PARD3: variants seen among roughly 807,000 people sequenced by gnomAD.
PARD3 encodes partitioning defective 3 homolog.
In PARD3, 75 loss-of-function variants were observed where a neutral mutation model predicts 155.4. The ratio of observed to expected loss-of-function variants is 0.48; its 90% CI spans 0.40 to 0.58. PARD3 has a LOEUF of 0.58. PARD3 is among the 20% of genes least tolerant of loss of function. The probability of loss-of-function intolerance (pLI) is 0.00; values close to 1 mark genes in which losing one functional copy is unlikely to be tolerated. For missense variants in PARD3, 1,642 were observed against 1,721.7 expected (o/e 0.95, Z 0.82); for synonymous variants, 576 against 610.5 (o/e 0.94, Z 0.83).
intron 22 of PARD3, among the ~76,000 whole-genome samples, chr10:34,208,842 G>A (rs954480244): frequency 5.9e-5 from 9 of 152,076 alleles, no homozygotes; most frequent in Non-Finnish European, 1.2e-4. Context: ...GGGTTTTGAT[G>A]TCATTGAAAA....
intron 2 of PARD3, among the ~76,000 whole-genome samples, chr10:34,565,820 A>C (rs2085896236): frequency 6.6e-6 from 1 of 152,210 alleles, no homozygotes; most frequent in African/African-American, 2.4e-5. Flanking sequence ...AAAGCTTCAA[A>C]AAATGTGGAA....
rs1313819376 is a variant in PARD3, at chr10:34,230,977, A to G, written c.3419+38680T>C. Among the ~76,000 whole-genome samples, 4 of 152,086 alleles carry G rather than the reference A, an allele frequency of 2.6e-5. No individual in the cohort carries two copies. The East Asian group carries it at 7.7e-4, about 29-fold the overall frequency. On this transcript the variant is annotated intron_variant, in intron 22 of 24. Coordinates refer to ENST00000374788, the MANE Select transcript of PARD3 (RefSeq NM_001184785.2). ...GGAGTTCAAGGCTGCAGTGAGCTAT[A>G]ATCGCACCACTAGCATTCCAGCCTG...
chr10:34,456,893 T>G (rs946242670), intron 4 of PARD3, among the ~76,000 whole-genome samples: 1 of 152,212 alleles, frequency 6.6e-6, no homozygotes, highest in South Asian at 2.1e-4. Context: ...AAAATTCATT[T>G]AATTTGGTGA....
chr10:34,322,265 T>C (rs1958427420), intron 19 of PARD3, among the ~76,000 whole-genome samples: 1 of 152,160 alleles, frequency 6.6e-6, no homozygotes, highest in African/African-American at 2.4e-5. Flanking sequence ...AGCCCTAAAA[T>C]TACCCTATGG....
intron 4 of PARD3, among the ~76,000 whole-genome samples, chr10:34,452,067 G>T (rs56206712): frequency 0.076 from 11,571 of 151,994 alleles, 1,326 homozygotes; most frequent in African/African-American, 0.25. Flanking sequence ...CTTATGTGTC[G>T]ACAAAGAGAA....
At chr10:34,755,134 G>A (rs1836543884) in intron 1 of PARD3, among the ~76,000 whole-genome samples, 1 of 151,432 alleles carries the variant, frequency 6.6e-6, no homozygotes, top group Non-Finnish European at 1.5e-5. Context: ...GGGCGCGGTG[G>A]CTCATGCCTG....
chr10:34,814,789 T>C, intron 1 of PARD3, 87 bp downstream of exon 1: 3 of 1,177,304 alleles, frequency 2.5e-6, no homozygotes, highest in Non-Finnish European at 3.5e-6. Flanking sequence ...TCCCTGCGCC[T>C]CTCCTCCCCC....
chr10:34,516,123 C>T (rs1167938659), intron 3 of PARD3, among the ~76,000 whole-genome samples: 2 of 152,088 alleles, frequency 1.3e-5, no homozygotes, highest in Non-Finnish European at 2.9e-5. Flanking sequence ...CGCCACCACG[C>T]CTGGCTAATT....
At chr10:34,206,854 A>T in intron 22 of PARD3, among the ~76,000 whole-genome samples, 1 of 152,140 alleles carries the variant, frequency 6.6e-6, no homozygotes, top group East Asian at 1.9e-4. Context: ...TGTTTCAACC[A>T]GTCTTCAGTC....
At chr10:34,797,514 G>A (rs1842404217) in intron 1 of PARD3, among the ~76,000 whole-genome samples, 1 of 152,200 alleles carries the variant, frequency 6.6e-6, no homozygotes, top group African/African-American at 2.4e-5. Flanking sequence ...TGTGCCAACA[G>A]TCTTCTCTAA....
intron 2 of PARD3, among the ~76,000 whole-genome samples, chr10:34,638,585 C>T (rs190919662): frequency 1.9e-4 from 29 of 152,312 alleles, no homozygotes; most frequent in Middle Eastern, 3.4e-3. Flanking sequence ...GAAGTGCAGG[C>T]GCAGGCTCAC....
At chr10:34,206,520 C>A (rs1049456018) in intron 22 of PARD3, among the ~76,000 whole-genome samples, 3 of 152,198 alleles carry the variant, frequency 2.0e-5, no homozygotes, top group Non-Finnish European at 2.9e-5. Context: ...CAGGAAAGAA[C>A]TCCAGAGCCA....
At position 34,209,733 on chromosome 10, in the gene PARD3, A is replaced by G. The variant is rs551645688; in HGVS notation, c.3419+59924T>C. Among the ~76,000 whole-genome samples, 15 of 152,288 alleles carry G rather than the reference A, an allele frequency of 9.8e-5. 1 individual carries two copies. The South Asian group carries it at 3.1e-3, about 32-fold the overall frequency. On this transcript the variant is annotated intron_variant, in intron 22 of 24. Transcript: ENST00000374788. ...GGTTTTTTAAAAAAGTGCTTACCTC[A>G]CAGGGATGCTACAGAAACCAAATGA... is the stretch of plus-strand genomic sequence containing the variant.
intron 23 of PARD3, among the ~76,000 whole-genome samples, chr10:34,124,572 C>T (rs1260857927): frequency 2.0e-5 from 3 of 152,096 alleles, no homozygotes; most frequent in South Asian, 2.1e-4. Flanking sequence ...CCCAGCCTTC[C>T]GCACCCACCC....
intron 24 of PARD3, among the ~76,000 whole-genome samples, chr10:34,112,358 A>G (rs1234066461): frequency 6.6e-6 from 1 of 152,242 alleles, no homozygotes; most frequent in African/African-American, 2.4e-5. Context: ...CTTCTGCAAC[A>G]GAGTTGGGCA....
At chr10:34,445,197 C>T (rs917065538) in intron 5 of PARD3, among the ~76,000 whole-genome samples, 2 of 152,034 alleles carry the variant, frequency 1.3e-5, no homozygotes, top group Admixed American at 6.6e-5. Context: ...GATGACTTTC[C>T]GGGAATGGTT....
intron 22 of PARD3, among the ~76,000 whole-genome samples, chr10:34,191,631 G>C (rs916040176): frequency 2.1e-5 from 3 of 145,406 alleles, no homozygotes; most frequent in African/African-American, 7.8e-5. Context: ...TTTGGTCTGT[G>C]CTTCAGCCTT....
In PARD3 at chr10:34,269,677, G is replaced by A. The variant is rs75826066; in HGVS notation, c.3399C>T (p.Ser1133=). The change falls in exon 22 of 25, where the codon TCC becomes TCT. Residue 1133 remains serine (S), a synonymous_variant. Coordinates refer to ENST00000374788, the MANE Select transcript of PARD3 (RefSeq NM_001184785.2). ...LYAQVKKPRN[S]KPSPVDSNRS... ...CCTACCTGTCTACAGGTGAGGGTTT[G>A]GAATTCCGCGGCTTCTTGACTTGGG... The A allele has an allele frequency of 6.2e-7, 1 of 1,613,874 alleles. No individual in the cohort carries two copies. Among genetic ancestry groups the A allele is most frequent in the Non-Finnish European group, 8.5e-7 (1 of 1,179,958 alleles).
At chr10:34,772,792 TAAA>T (rs555582256) in intron 1 of PARD3, among the ~76,000 whole-genome samples, 1,406 of 90,248 alleles carry the variant, frequency 0.016, 6 homozygotes, top group Non-Finnish European at 0.022. Context: ...AGACTCCATC[TAAA>T]AAAAAAAAAA....
Sources: gnomAD v4.1 joint callset for allele counts (sites outside exome capture counted in the v4.1 genomes callset) on GRCh38, gnomAD v4.1.1 for gene constraint, MANE v1.5 for transcripts, NCBI Gene and HGNC (gene_info 2026-07-23, HGNC 2026-07-21) for gene names.